The following NELL1 variants were observed in gnomAD, a reference collection of about 807,000 sequenced individuals.
NELL1 encodes neural EGFL like 1.
In NELL1, 76 loss-of-function variants were observed where a neutral mutation model predicts 107.4. That is an observed-to-expected ratio of 0.71 (90% confidence interval 0.59 to 0.86). NELL1 has a LOEUF of 0.86. NELL1 is among the 40% of genes least tolerant of loss of function. The pLI is 0.00. For missense variants in NELL1, 1,024 were observed against 1,005.5 expected (o/e 1.02, Z -0.25); for synonymous variants, 353 against 341.2 (o/e 1.03, Z -0.38).
chr11:20,863,440 T>C (rs146651260), intron 4 of NELL1, among the ~76,000 whole-genome samples: 1,184 of 65,180 alleles, frequency 0.018, 116 homozygotes, highest in African/African-American at 0.039. Context: ...GGGTGGCTGC[T>C]GGGCGGAGGG....
chr11:21,428,355 A>G (rs1236181706), intron 15 of NELL1, among the ~76,000 whole-genome samples: 2 of 152,314 alleles, frequency 1.3e-5, no homozygotes, highest in Admixed American at 1.3e-4. Context: ...CTGGAAAAGG[A>G]GTAAAACAAA....
chr11:21,411,958 T>C (rs10766800), intron 15 of NELL1, among the ~76,000 whole-genome samples: 92,075 of 151,922 alleles, frequency 0.61, 28,832 homozygotes, highest in Middle Eastern at 0.69. Context: ...TTTCTCATCC[T>C]GTTGCTTTGT....
intron 15 of NELL1, among the ~76,000 whole-genome samples, chr11:21,374,245 G>C (rs1565193544): frequency 6.6e-6 from 1 of 152,042 alleles, no homozygotes. Context: ...AAATTTGAGA[G>C]CAGCTTAGCT....
intron 12 of NELL1, among the ~76,000 whole-genome samples, chr11:21,109,456 A>C (rs1855054143): frequency 6.6e-6 from 1 of 152,052 alleles, no homozygotes; most frequent in Non-Finnish European, 1.5e-5. Context: ...TTCCACTCTG[A>C]GATTCAGCTT....
chr11:20,777,804 G>A (rs543960560), intron 2 of NELL1, among the ~76,000 whole-genome samples: 21 of 142,850 alleles, frequency 1.5e-4, no homozygotes, highest in Non-Finnish European at 2.5e-4. Flanking sequence ...CAAGGCTGAG[G>A]CGGGCTGCCT....
intron 14 of NELL1, among the ~76,000 whole-genome samples, chr11:21,341,281 ACACC>A (rs1412941855): frequency 2.0e-5 from 3 of 152,236 alleles, no homozygotes; most frequent in Admixed American, 6.5e-5. Context: ...AGGGAGAGTT[ACACC>A]ATAAGCCTCC....
intron 14 of NELL1, among the ~76,000 whole-genome samples, chr11:21,336,525 G>A (rs1056589751): frequency 4.0e-4 from 60 of 151,738 alleles, no homozygotes; most frequent in African/African-American, 1.3e-3. Flanking sequence ...AAAAAAAGAA[G>A]GACCAAACAG....
intron 12 of NELL1, among the ~76,000 whole-genome samples, chr11:21,023,350 C>A (rs7122403): frequency 6.6e-6 from 1 of 151,794 alleles, no homozygotes. Context: ...TATAGTAATG[C>A]GAAAAGAGTA....
chr11:21,384,284 CG>C (rs1851682174), intron 15 of NELL1, among the ~76,000 whole-genome samples: 1 of 151,718 alleles, frequency 6.6e-6, no homozygotes, highest in Non-Finnish European at 1.5e-5. Context: ...ATTTTCACTG[CG>C]TAAAAGTCAA....
chr11:21,149,720 C>A (rs1459961144), intron 13 of NELL1, among the ~76,000 whole-genome samples: 6 of 152,130 alleles, frequency 3.9e-5, no homozygotes, highest in Non-Finnish European at 7.3e-5. Flanking sequence ...CAGGTGCTGT[C>A]ACTGGCCCAA....
At chr11:21,334,974 T>G (rs909785235) in intron 14 of NELL1, among the ~76,000 whole-genome samples, 1 of 151,940 alleles carries the variant, frequency 6.6e-6, no homozygotes, top group Non-Finnish European at 1.5e-5. Flanking sequence ...GTTTCACAGT[T>G]TAAAAAAAAT....
intron 13 of NELL1, among the ~76,000 whole-genome samples, chr11:21,209,610 A>G (rs941109653): frequency 6.6e-6 from 1 of 152,046 alleles, no homozygotes; most frequent in Non-Finnish European, 1.5e-5. Context: ...GATATAATTT[A>G]CATAGTATAA....
At chr11:21,401,856 A>G (rs1852104476) in intron 15 of NELL1, among the ~76,000 whole-genome samples, 1 of 151,768 alleles carries the variant, frequency 6.6e-6, no homozygotes, top group Non-Finnish European at 1.5e-5. Flanking sequence ...AGCCTAAGGT[A>G]TGAAATGAGA....
intron 15 of NELL1, among the ~76,000 whole-genome samples, chr11:21,533,015 A>G (rs1340534556): frequency 6.6e-6 from 1 of 152,222 alleles, no homozygotes; most frequent in Non-Finnish European, 1.5e-5. Context: ...CCTAACTGCA[A>G]TATCTGAAGA....
At chr11:20,856,007 C>G (rs1848876136) in intron 4 of NELL1, among the ~76,000 whole-genome samples, 1 of 152,236 alleles carries the variant, frequency 6.6e-6, no homozygotes, top group South Asian at 2.1e-4. Flanking sequence ...TCCTTGGAAA[C>G]TTTAATTAAA....
intron 5 of NELL1, among the ~76,000 whole-genome samples, chr11:20,907,691 A>G (rs975755007): frequency 6.6e-5 from 10 of 152,208 alleles, no homozygotes; most frequent in Non-Finnish European, 1.5e-4. Flanking sequence ...CAATTGGAAC[A>G]GAATCCAAAA....
intron 13 of NELL1, among the ~76,000 whole-genome samples, chr11:21,134,551 T>C (rs149946898): frequency 2.7e-3 from 411 of 152,368 alleles, no homozygotes; most frequent in Non-Finnish European, 4.4e-3. Flanking sequence ...TTAACAGTTC[T>C]GATAATCACT....
intron 12 of NELL1, among the ~76,000 whole-genome samples, chr11:21,089,071 G>A (rs1374849305): frequency 6.6e-6 from 1 of 152,246 alleles, no homozygotes; most frequent in Non-Finnish European, 1.5e-5. Context: ...CATGAATGGG[G>A]GATGGGACAT....
intron 12 of NELL1, among the ~76,000 whole-genome samples, chr11:20,978,080 A>T (rs1042310023): frequency 6.6e-6 from 1 of 152,230 alleles, no homozygotes; most frequent in African/African-American, 2.4e-5. Context: ...TAAGTAGTAG[A>T]GTTAGAGCTT....
Sources: gnomAD v4.1 joint callset for allele counts (sites outside exome capture counted in the v4.1 genomes callset) on GRCh38, gnomAD v4.1.1 for gene constraint, MANE v1.5 for transcripts, NCBI Gene and HGNC (gene_info 2026-07-23, HGNC 2026-07-21) for gene names.